The following MYOM3 variants were observed in gnomAD, a reference collection of about 807,000 sequenced individuals.
MYOM3 encodes myomesin-3.
In MYOM3, 155 loss-of-function variants were observed where a neutral mutation model predicts 191.7. That is an observed-to-expected ratio of 0.81 (90% confidence interval 0.71 to 0.92). MYOM3 has a LOEUF of 0.92. MYOM3 is among the 40% of genes least tolerant of loss of function. The probability of loss-of-function intolerance (pLI) is 0.00; values close to 1 mark genes in which losing one functional copy is unlikely to be tolerated. For missense variants in MYOM3, 1,889 were observed against 1,890.6 expected (o/e 1.00, Z 0.02); for synonymous variants, 757 against 762.9 (o/e 0.99, Z 0.13).
chr1:24,098,138 C>T, intron 6 of MYOM3, 127 bp from the exon 7 acceptor site: 1 of 684,800 alleles, frequency 1.5e-6, no homozygotes, highest in Admixed American at 2.4e-5. Context: ...AGACTTTGGT[C>T]ATTATCTCTG....
rs1259791877 is a variant in MYOM3 at position 24,071,997 on chromosome 1, C to A, written c.2985G>T (p.Lys995Asn). Residue 995 changes from lysine to asparagine, a missense_variant, in exon 24 of 37, where the codon AAG (lysine) becomes AAT (asparagine). Coordinates refer to ENST00000374434, the MANE Select transcript of MYOM3 (RefSeq NM_152372.4). ...GGTTTCTGATCTCATGACTCAGCTT[C>A]TTCAGCTTCTCCAGCTCTGGGATAG... ...TLTEEELEKL[K>N]KLSHEIRNPV... is the part of the protein sequence containing the mutation. The A allele has an allele frequency of 1.2e-6, 2 of 1,614,010 alleles. No individual in the cohort carries two copies. Among genetic ancestry groups the A allele is most frequent in the African/African-American group, 2.7e-5 (2 of 74,914 alleles).
chr1:24,110,725 A>G (rs1010468787), intron 1 of MYOM3, among the ~76,000 whole-genome samples: 5 of 152,018 alleles, frequency 3.3e-5, no homozygotes, highest in Admixed American at 6.5e-5. Context: ...TGGGACAGTC[A>G]CCCTCTTTGG....
At chr1:24,098,719 C>T (rs980892348) in intron 6 of MYOM3, among the ~76,000 whole-genome samples, 11 of 152,212 alleles carry the variant, frequency 7.2e-5, no homozygotes, top group African/African-American at 2.7e-4. Context: ...GGCCTGCGCA[C>T]CTTCCTTGAC....
At chr1:24,100,694 G>A (rs1178165780) in intron 5 of MYOM3, among the ~76,000 whole-genome samples, 1 of 152,150 alleles carries the variant, frequency 6.6e-6, no homozygotes, top group East Asian at 1.9e-4. Flanking sequence ...AGACTATCCT[G>A]GCTAACACTG....
chr1:24,098,167 G>T (rs935612709), intron 6 of MYOM3, among the ~76,000 whole-genome samples, 156 bp from the exon 7 acceptor site: 2 of 152,196 alleles, frequency 1.3e-5, no homozygotes, highest in African/African-American at 4.8e-5. Context: ...TGTGTTTTCT[G>T]GTTGGCCACT....
rs1332511909 is a variant in MYOM3 at position 24,063,208 on chromosome 1, G to A, written c.3688C>T (p.Gln1230Ter). Residue 1230 changes from glutamine (Q) to a stop codon, truncating the protein, a stop_gained, in exon 32 of 37, where the codon CAG (glutamine) becomes TAG (stop). Transcript: ENST00000374434. LOFTEE classifies it high-confidence loss of function. The surrounding 1 kb of genome is among the most constrained non-coding windows in gnomAD (Gnocchi z 4.5). The part of the protein sequence containing the change: ...GALSATPLKI[Q>*]GTEEGIRIFS... ...ATCCGGATCCCTTCCTCGGTCCCCT[G>A]GATTTTCAGTGGAGTTGCAGAGAGG... is the stretch of plus-strand genomic sequence containing the variant. 25 of 1,613,902 alleles carry A rather than the reference G, an allele frequency of 1.5e-5. No homozygotes were observed. The highest frequency in any genetic ancestry group is 1.9e-5 in the Non-Finnish European group (23 of 1,179,928).
At chr1:24,070,058 A>G (rs907175081) in intron 25 of MYOM3, among the ~76,000 whole-genome samples, 3 of 152,238 alleles carry the variant, frequency 2.0e-5, no homozygotes, top group African/African-American at 7.2e-5. Flanking sequence ...ATGTGGTTCA[A>G]TCTAATACAA....
intron 3 of MYOM3, 86 bp downstream of exon 3, chr1:24,107,906 CG>C (rs1643998006): frequency 8.5e-7 from 1 of 1,174,820 alleles, no homozygotes; most frequent in African/African-American, 1.5e-5. Flanking sequence ...TCTTTACACT[CG>C]GGGTGAAAGG....
chr1:24,080,414 C>T (rs1330948223), intron 19 of MYOM3, among the ~76,000 whole-genome samples: 3 of 152,176 alleles, frequency 2.0e-5, no homozygotes, highest in African/African-American at 4.8e-5. Context: ...TTTCAAAATG[C>T]GCTCAGCCTC....
At chr1:24,065,325 T>C (rs989498866) in intron 29 of MYOM3, among the ~76,000 whole-genome samples, 1 of 152,166 alleles carries the variant, frequency 6.6e-6, no homozygotes, top group Non-Finnish European at 1.5e-5. Flanking sequence ...CAGAAAAAGG[T>C]TGACGTTTGA....
chr1:24,107,918 C>T (rs2148563019), intron 3 of MYOM3, 75 bp downstream of exon 3: 2 of 1,310,542 alleles, frequency 1.5e-6, no homozygotes, highest in East Asian at 2.3e-5. Context: ...GGGTGAAAGG[C>T]CAGCAGGGAG....
chr1:24,085,077 AATGAATGGATGGATGGATGGTTGGTTGG>A (rs1643719071), intron 15 of MYOM3, among the ~76,000 whole-genome samples: 2 of 150,642 alleles, frequency 1.3e-5, no homozygotes, highest in African/African-American at 4.9e-5. Context: ...TGGTTGGTTG[AATGAATGGATGGATGGATGGTTGGTTGG>A]ATGAATGGAT....
intron 20 of MYOM3, among the ~76,000 whole-genome samples, chr1:24,076,535 A>G: frequency 1.9e-5 from 1 of 52,628 alleles, no homozygotes. Flanking sequence ...TTTTTTTGAG[A>G]CGGAGTCTCG....
Position 24,076,047 on chromosome 1 carries a change from G to T in MYOM3, c.2701+112C>A, listed in dbSNP as rs545134933. ...CTCAGGGGCTTGCTGGAGGGCCAGA[G>T]AAGTGTGAGGGCCTAGCACAGCATC... On this transcript the variant is annotated intron_variant, in intron 21 of 36. Coordinates refer to ENST00000374434, the MANE Select transcript of MYOM3 (RefSeq NM_152372.4). The T allele has an allele frequency of 1.4e-4, 106 of 763,062 alleles. No individual in the cohort carries two copies. In the African/African-American group the frequency reaches 1.7e-3, roughly 12 times the overall value. 47.3% of individuals were successfully genotyped at this position (763,062 alleles called of 1,614,324 possible). A position where few individuals can be genotyped will look rare whatever the true frequency, so the allele number is the denominator to read the frequency against.
Position 24,063,464 on chromosome 1 carries a change from G to A in MYOM3, c.3661+28C>T. On this transcript the variant is annotated intron_variant, in intron 31 of 36. Coordinates refer to ENST00000374434, the MANE Select transcript of MYOM3 (RefSeq NM_152372.4). This position sits in a 1 kb window ranked among gnomAD's most constrained non-coding sequence, Gnocchi z 4.5. ...GGCTGTTGGGCATCAGGGCAGGGCA[G>A]GGCTGGGCAAAGAGGCAGGCTGCTT... 1.9e-6 allele frequency: 3 copies of A among 1,614,034 alleles called. No homozygotes were observed. Among genetic ancestry groups the A allele is most frequent in the Non-Finnish European group, 2.5e-6 (3 of 1,179,922 alleles).
intron 22 of MYOM3, 69 bp downstream of exon 22, chr1:24,075,250 G>T: frequency 6.6e-7 from 1 of 1,525,618 alleles, no homozygotes; most frequent in Non-Finnish European, 9.0e-7. Flanking sequence ...TCAGCCAGGA[G>T]CCCCTGCCAG....
chr1:24,066,271 C>T (rs1346182226), intron 28 of MYOM3: 5 of 714,754 alleles, frequency 7.0e-6, no homozygotes, highest in African/African-American at 5.3e-5. Flanking sequence ...CATAGTCACC[C>T]CCTCCATCAC....
chr1:24,101,167 G>T (rs115075359), intron 5 of MYOM3, among the ~76,000 whole-genome samples: 4,937 of 152,140 alleles, frequency 0.032, 91 homozygotes, highest in Middle Eastern at 0.051. Context: ...TCTGTCCTTG[G>T]CAGGAACAGG....
At chr1:24,088,064 C>G (rs1056705642) in intron 14 of MYOM3, among the ~76,000 whole-genome samples, 1 of 152,140 alleles carries the variant, frequency 6.6e-6, no homozygotes, top group Non-Finnish European at 1.5e-5. Context: ...GTTTACTCTC[C>G]ACAGCATCAG....
Sources: allele counts gnomAD v4.1 joint callset (sites outside exome capture counted in the v4.1 genomes callset), GRCh38; gene constraint gnomAD v4.1.1; non-coding constraint Gnocchi (gnomAD v3.1); transcripts MANE v1.5; gene names NCBI Gene and HGNC (gene_info 2026-07-23, HGNC 2026-07-21).